EXOC3: variants seen among roughly 807,000 people sequenced by gnomAD.
The protein encoded by EXOC3 is SEC6-like 1.
Under a neutral mutation model 73.7 loss-of-function variants are expected in EXOC3, and 21 were observed. The observed-to-expected ratio is 0.29, with a 90% CI of 0.20 to 0.41. The LOEUF is 0.41. Among genes scored for constraint, EXOC3 ranks in the 10% least tolerant of loss-of-function variants. The probability of loss-of-function intolerance (pLI) is 1.00; values close to 1 mark genes in which losing one functional copy is unlikely to be tolerated. For missense variants in EXOC3, 842 were observed against 985.1 expected, an observed-to-expected ratio of 0.85 and a Z score of 1.95; for synonymous variants, 410 against 389.1, an observed-to-expected ratio of 1.05 and a Z score of -0.63.
At position 467,222 on chromosome 5, in the gene EXOC3, CG is replaced by C; in HGVS notation, c.*325del. The stretch of plus-strand genomic sequence containing the variant: ...GCCCTCCTCCTCCCTGGGCCTTCAC[CG>C]CACCCCATCTGCTTAAGTGCTCGGA... On this transcript the variant is annotated 3_prime_UTR_variant, in exon 13 of 13. Transcript: ENST00000512944. 1 of 310,588 alleles carries C rather than the reference CG, an allele frequency of 3.2e-6. No individual in the cohort carries two copies. Among genetic ancestry groups the C allele is most frequent in the East Asian group, 5.4e-5 (1 of 18,502 alleles). 19.2% of individuals were successfully genotyped at this position (310,588 alleles called of 1,614,324 possible). A position where few individuals can be genotyped will look rare whatever the true frequency, so the allele number is the denominator to read the frequency against.
chr5:453,938 C>G lies in EXOC3; in HGVS notation c.933C>G (p.Leu311=), dbSNP rs764231287. 5.6e-6 allele frequency: 9 copies of G among 1,613,898 alleles called. No individual in the cohort carries two copies. In the African/African-American group the frequency reaches 1.2e-4, roughly 22 times the overall value. ...FPPHYEIFKN[L]LNMYHQALST... is the part of the protein sequence containing the mutation. ...CCCACTATGAGATCTTTAAGAACCT[C>G]CTGAACATGTACCACCAAGCCCTGA... is the stretch of plus-strand genomic sequence containing the variant. The change falls in exon 4 of 13, where the codon CTC becomes CTG. Residue 311 remains leucine, a synonymous_variant. Transcript: ENST00000512944.
intron 2 of EXOC3, among the ~76,000 whole-genome samples, chr5:446,686 T>C (rs1291781683): frequency 2.6e-5 from 4 of 152,136 alleles, no homozygotes; most frequent in African/African-American, 4.8e-5. Context: ...GGTGAAACCC[T>C]GTCTCTATGA....
intron 2 of EXOC3, 35 bp from the exon 3 acceptor site, chr5:447,498 T>C (rs1421123458): frequency 6.9e-7 from 1 of 1,458,624 alleles, no homozygotes; most frequent in East Asian, 2.5e-5. Flanking sequence ...ATGGCTATCA[T>C]TGGCTCTGCT....
At chr5:447,939 G>A (rs1303702609) in intron 3 of EXOC3, among the ~76,000 whole-genome samples, 187 bp downstream of exon 3, 1 of 152,234 alleles carries the variant, frequency 6.6e-6, no homozygotes, top group Non-Finnish European at 1.5e-5. Context: ...GTAAAGGCTA[G>A]GAGAAGGCTT....
At chr5:460,745 A>G (rs1330379255) in intron 7 of EXOC3, among the ~76,000 whole-genome samples, 3 of 152,222 alleles carry the variant, frequency 2.0e-5, no homozygotes, top group Admixed American at 1.3e-4. Flanking sequence ...CCATCTGTCC[A>G]TGGGGATCTT....
At chr5:462,095 G>T in intron 8 of EXOC3, 25 bp downstream of exon 8, 4 of 1,593,628 alleles carry the variant, frequency 2.5e-6, no homozygotes, top group South Asian at 1.1e-5. Context: ...GCGCTGTGGC[G>T]GGGGAGCGGT....
At chr5:460,945 C>T (rs963861912) in intron 7 of EXOC3, among the ~76,000 whole-genome samples, 2 of 152,184 alleles carry the variant, frequency 1.3e-5, no homozygotes, top group African/African-American at 4.8e-5. Flanking sequence ...AAAATAGAAA[C>T]GGTATTTGTT....
Position 465,182 on chromosome 5 carries a change from C to A in EXOC3, c.1848C>A (p.Ser616=). ...YLRAVMQKRI[S]FRSPEERKEG... ...GGGCGGTCATGCAGAAGCGCATTTC[C>A]TTCCGGAGCCCGGAGGAGCGCAAGG... The change falls in exon 11 of 13, where the codon TCC becomes TCA. Residue 616 remains serine, a synonymous_variant. Transcript: ENST00000512944. The A allele has an allele frequency of 6.3e-7, 1 of 1,596,572 alleles. No homozygotes were observed. Among genetic ancestry groups the A allele is most frequent in the East Asian group, 2.3e-5 (1 of 44,042 alleles).
intron 4 of EXOC3, 110 bp downstream of exon 4, chr5:454,161 C>G (rs765119608): frequency 4.5e-6 from 4 of 883,004 alleles, no homozygotes; most frequent in Admixed American, 2.8e-5. Context: ...TGGGCAGGTG[C>G]TCCGAGCCCA....
intron 9 of EXOC3, 31 bp from the exon 10 acceptor site, chr5:464,259 A>G (rs763437524): frequency 2.1e-5 from 33 of 1,606,876 alleles, no homozygotes; most frequent in Admixed American, 6.7e-5. Context: ...CGTTGAGGTG[A>G]TGATTTCTAT....
At chr5:461,385 C>T (rs981342981) in intron 7 of EXOC3, among the ~76,000 whole-genome samples, 47 of 152,210 alleles carry the variant, frequency 3.1e-4, no homozygotes, top group African/African-American at 4.8e-4. Context: ...GAGGCTGAGG[C>T]GGGTGGATCA....
chr5:450,234 G>A (rs1339998431), intron 3 of EXOC3, among the ~76,000 whole-genome samples: 1 of 152,200 alleles, frequency 6.6e-6, no homozygotes, highest in Non-Finnish European at 1.5e-5. Context: ...GGACAAGAGC[G>A]AGACTTCATC....
chr5:455,778 G>A (rs1408835191), intron 4 of EXOC3, among the ~76,000 whole-genome samples: 1 of 152,048 alleles, frequency 6.6e-6, no homozygotes, highest in Non-Finnish European at 1.5e-5. Flanking sequence ...TAATTTTTTT[G>A]TATTTTTAAT....
In EXOC3 at chr5:467,034, C is replaced by A; in HGVS notation, c.*136C>A. On this transcript the variant is annotated 3_prime_UTR_variant, in exon 13 of 13. Transcript: ENST00000512944. ...CCTGTCTTTAGGTGCCAGTGTGATGCACCGGGTGTGCGTCGAGTGAGCGTC... is the reference window on the plus strand; with the variant it reads ...CCTGTCTTTAGGTGCCAGTGTGATGAACCGGGTGTGCGTCGAGTGAGCGTC... 1 of 904,644 alleles carries A rather than the reference C, an allele frequency of 1.1e-6. No homozygotes were observed. The allele number at this position is 904,644 out of a possible 1,614,324, so 56.0% of individuals were successfully genotyped here. A position where few individuals can be genotyped will look rare whatever the true frequency, so the allele number is the denominator to read the frequency against.
intron 7 of EXOC3, 33 bp from the exon 8 acceptor site, chr5:461,927 A>T: frequency 6.8e-7 from 1 of 1,475,266 alleles, no homozygotes; most frequent in Non-Finnish European, 9.3e-7. Context: ...TGTTGCCCTT[A>T]GTGCTGTCTG....
intron 4 of EXOC3, among the ~76,000 whole-genome samples, chr5:454,963 A>G (rs1294359336): frequency 6.6e-6 from 1 of 150,880 alleles, no homozygotes; most frequent in East Asian, 1.9e-4. Context: ...TCAATACAGA[A>G]GGACAGAAGA....
chr5:446,497 A>G, intron 2 of EXOC3, 148 bp downstream of exon 2: 3 of 721,020 alleles, frequency 4.2e-6, no homozygotes, highest in Admixed American at 3.0e-5. Context: ...TCAGCAGTGT[A>G]TTACCACTCA....
At chr5:456,028 T>A (rs1324900430) in intron 4 of EXOC3, among the ~76,000 whole-genome samples, 3 of 152,264 alleles carry the variant, frequency 2.0e-5, no homozygotes, top group African/African-American at 7.2e-5. Context: ...TGTCCTGTAT[T>A]GTACGTTCCA....
In EXOC3 at chr5:456,886, T is replaced by G; in HGVS notation, c.1047-3T>G. ...GTCACTCACATTCCTGGTTCCCCCA[T>G]AGTACTGAGATGATGAGGAACGTGG... On this transcript the variant is annotated splice_polypyrimidine_tract_variant and splice_region_variant and intron_variant, in intron 4 of 12. Coordinates refer to ENST00000512944, the MANE Select transcript of EXOC3 (RefSeq NM_007277.5). 6.2e-7 allele frequency: 1 copy of G among 1,610,426 alleles called. No homozygotes were observed. The highest frequency in any genetic ancestry group is 8.5e-7 in the Non-Finnish European group (1 of 1,176,710).
Sources: allele counts gnomAD v4.1 joint callset (sites outside exome capture counted in the v4.1 genomes callset), GRCh38; gene constraint gnomAD v4.1.1; transcripts MANE v1.5; gene names NCBI Gene and HGNC (gene_info 2026-07-23, HGNC 2026-07-21).